KIF3B: variants seen among roughly 807,000 people sequenced by gnomAD.
KIF3B encodes kinesin-like protein KIF3B.
KIF3B carries 38 observed loss-of-function variants against 74.3 expected under a neutral mutation model. That is an observed-to-expected ratio of 0.51 (90% CI 0.39 to 0.67). The LOEUF is 0.67. KIF3B is among the 30% of genes least tolerant of loss of function. The pLI is 0.00. For missense variants in KIF3B, 649 were observed against 932.0 expected (o/e 0.70, Z 3.95); for synonymous variants, 326 against 342.5 (o/e 0.95, Z 0.53).
rs1242554216 is a variant in KIF3B, at chr20:32,331,204, ATG to A, written c.2148-15_2148-14del. 1 of 1,577,624 alleles carries A rather than the reference ATG, an allele frequency of 6.3e-7. No homozygotes were observed. Among genetic ancestry groups the A allele is most frequent in the Non-Finnish European group, 8.7e-7 (1 of 1,147,010 alleles). ...AGAGATGGGGACATGTAATATAAAC[ATG>A]TGTTTGACTTTTGCAGGCCTAAAAG... On this transcript the variant is annotated splice_polypyrimidine_tract_variant and intron_variant, in intron 8 of 8. Coordinates refer to ENST00000375712, the MANE Select transcript of KIF3B (RefSeq NM_004798.4).
chr20:32,288,478 T>G (rs1397387914), intron 1 of KIF3B, among the ~76,000 whole-genome samples: 1 of 152,158 alleles, frequency 6.6e-6, no homozygotes, highest in Admixed American at 6.6e-5. Flanking sequence ...GTGAATGAGA[T>G]CCTGTCTCCA....
At chr20:32,291,019 A>G (rs565534293) in intron 1 of KIF3B, among the ~76,000 whole-genome samples, 1 of 152,340 alleles carries the variant, frequency 6.6e-6, no homozygotes, top group South Asian at 2.1e-4. Context: ...CCAGTCACAA[A>G]AGGACAAATA....
Position 32,330,419 on chromosome 20 carries a change from A to G in KIF3B, c.2147+100A>G, listed in dbSNP as rs548778678. On this transcript the variant is annotated intron_variant, in intron 8 of 8. Coordinates refer to ENST00000375712, the MANE Select transcript of KIF3B (RefSeq NM_004798.4). ...TATCATGGAATACTTTGCAGAACAC[A>G]CTAGAAAATATTGCCATATTACTCC... 2.8e-5 allele frequency: 30 copies of G among 1,058,106 alleles called. No individual in the cohort carries two copies. In the East Asian group the frequency reaches 7.1e-4, roughly 25 times the overall value. The allele number at this position is 1,058,106 out of a possible 1,614,324, so 65.5% of individuals were successfully genotyped here. A position where few individuals can be genotyped will look rare whatever the true frequency, so the allele number is the denominator to read the frequency against.
At position 32,308,330 on chromosome 20, in the gene KIF3B, CCTT is replaced by C. The variant is rs572640566; in HGVS notation, c.-65-1378_-65-1376del. On this transcript the variant is annotated intron_variant, in intron 1 of 8. Coordinates refer to ENST00000375712, the MANE Select transcript of KIF3B (RefSeq NM_004798.4). ...CCTTGAACTCCTGGGCTCAAGCAAT[CCTT>C]CTTCCTCAGCCTCCTGAGTAGCTGG... is the stretch of plus-strand genomic sequence containing the variant. 1.5e-3 allele frequency among the ~76,000 whole-genome samples: 223 copies of C among 152,304 alleles called. 2 individuals carry two copies. Among genetic ancestry groups the C allele is most frequent in the African/African-American group, 5.0e-3 (206 of 41,572 alleles).
intron 2 of KIF3B, among the ~76,000 whole-genome samples, chr20:32,313,957 C>T (rs915336770): frequency 1.3e-5 from 2 of 152,136 alleles, no homozygotes; most frequent in African/African-American, 4.8e-5. Flanking sequence ...ATCCTTCCAC[C>T]TTAGTCTCCC....
In KIF3B at chr20:32,293,326, G is replaced by C. The variant is rs867152762; in HGVS notation, c.-66+15561G>C. Reference sequence around the variant, plus strand: ...AAAGGAAAAAGAAGCAGCTAAGCATGGTGTCTGATGCCTGTAATCCCATAC... The same window carrying C: ...AAAGGAAAAAGAAGCAGCTAAGCATCGTGTCTGATGCCTGTAATCCCATAC... On this transcript the variant is annotated intron_variant, in intron 1 of 8. Coordinates refer to ENST00000375712, the MANE Select transcript of KIF3B (RefSeq NM_004798.4). Among the ~76,000 whole-genome samples, 3 of 152,012 alleles carry C rather than the reference G, an allele frequency of 2.0e-5. No individual in the cohort carries two copies. The South Asian group carries it at 6.2e-4, about 32-fold the overall frequency.
At chr20:32,319,541 C>T (rs2047847005) in intron 5 of KIF3B, among the ~76,000 whole-genome samples, 1 of 144,246 alleles carries the variant, frequency 6.9e-6, no homozygotes, top group South Asian at 2.2e-4. Context: ...CACACACACA[C>T]ACATATGTGT....
At chr20:32,280,271 T>C (rs2047635919) in intron 1 of KIF3B, among the ~76,000 whole-genome samples, 2 of 152,146 alleles carry the variant, frequency 1.3e-5, no homozygotes, top group African/African-American at 4.8e-5. Context: ...GGTGAAAGAA[T>C]AAATTAAAGT....
At chr20:32,311,287 G>A in intron 2 of KIF3B, 106 bp downstream of exon 2, 1 of 1,295,480 alleles carries the variant, frequency 7.7e-7, no homozygotes, top group East Asian at 2.5e-5. Context: ...TCTCTCATCA[G>A]TTTTGGATTT....
intron 1 of KIF3B, among the ~76,000 whole-genome samples, chr20:32,303,128 G>A (rs2047752212): frequency 6.6e-6 from 1 of 152,136 alleles, no homozygotes; most frequent in Non-Finnish European, 1.5e-5. Flanking sequence ...AGAAGATAAT[G>A]ACTACATTCC....
chr20:32,302,651 G>A (rs1054343529), intron 1 of KIF3B, among the ~76,000 whole-genome samples: 3 of 152,160 alleles, frequency 2.0e-5, no homozygotes, highest in African/African-American at 7.2e-5. Flanking sequence ...CTGCCATTCT[G>A]TTTCTCTTAC....
chr20:32,313,071 C>G (rs1016569465), intron 2 of KIF3B, among the ~76,000 whole-genome samples: 3 of 152,178 alleles, frequency 2.0e-5, no homozygotes, highest in Non-Finnish European at 2.9e-5. Context: ...GCCTCCTCTC[C>G]CAACCCCTGT....
At chr20:32,325,249 C>T (rs1399381810) in intron 5 of KIF3B, among the ~76,000 whole-genome samples, 1 of 152,060 alleles carries the variant, frequency 6.6e-6, no homozygotes, top group Non-Finnish European at 1.5e-5. Context: ...AGTGCGGTGG[C>T]ACGATCTTGG....
intron 1 of KIF3B, among the ~76,000 whole-genome samples, chr20:32,281,302 G>A (rs1600413424): frequency 6.6e-6 from 1 of 152,282 alleles, no homozygotes; most frequent in Non-Finnish European, 1.5e-5. Context: ...ATTTCACGTT[G>A]AAATCCAGTC....
chr20:32,279,120 A>G (rs1489169834), intron 1 of KIF3B, among the ~76,000 whole-genome samples: 1 of 151,862 alleles, frequency 6.6e-6, no homozygotes, highest in East Asian at 1.9e-4. Context: ...ACAAGGTTTC[A>G]CCATGTTGGC....
rs1348940993 is a variant in KIF3B, at chr20:32,291,750, G to A, written c.-66+13985G>A. On this transcript the variant is annotated intron_variant, in intron 1 of 8. Coordinates refer to ENST00000375712, the MANE Select transcript of KIF3B (RefSeq NM_004798.4). ...CCTGCCTCAGCCTCCCAAGTAGCTG[G>A]GATTACAGACATGCATGCACCACAC... 5.9e-5 allele frequency among the ~76,000 whole-genome samples: 9 copies of A among 151,484 alleles called. No homozygotes were observed. In the East Asian group the frequency reaches 1.2e-3, roughly 20 times the overall value.
Position 32,330,281 on chromosome 20 carries a change from A to G in KIF3B, c.2109A>G (p.Ser703=). 1.2e-6 allele frequency: 2 copies of G among 1,614,204 alleles called. No individual in the cohort carries two copies. Among genetic ancestry groups the G allele is most frequent in the Non-Finnish European group, 1.7e-6 (2 of 1,180,034 alleles). ...AAGATGAGATACAGGTGGATGCATCATCATTTGAAAGCACTGCAAATAAGA... is the reference window on the plus strand; with the variant it reads ...AAGATGAGATACAGGTGGATGCATCGTCATTTGAAAGCACTGCAAATAAGA... The part of the protein sequence containing the change: ...QDEDEIQVDA[S]SFESTANKKS... Residue 703 remains serine, a synonymous_variant, in exon 8 of 9, where the codon TCA becomes TCG. Transcript: ENST00000375712.
At chr20:32,316,392 A>G in intron 3 of KIF3B, 73 bp downstream of exon 3, 4 of 1,532,212 alleles carry the variant, frequency 2.6e-6, no homozygotes, top group Non-Finnish European at 3.6e-6. Flanking sequence ...AACGTCTCAT[A>G]TTAGACTCTC....
At chr20:32,301,018 A>G (rs1191508363) in intron 1 of KIF3B, among the ~76,000 whole-genome samples, 1 of 150,162 alleles carries the variant, frequency 6.7e-6, no homozygotes, top group Non-Finnish European at 1.5e-5. Flanking sequence ...AAGCGGCACC[A>G]TGCCCTGCTA....
Sources: gnomAD v4.1 joint callset for allele counts (sites outside exome capture counted in the v4.1 genomes callset) on GRCh38, gnomAD v4.1.1 for gene constraint, MANE v1.5 for transcripts, NCBI Gene and HGNC (gene_info 2026-07-23, HGNC 2026-07-21) for gene names.